The following CALN1 variants were observed in gnomAD, a reference collection of about 807,000 sequenced individuals.
CALN1 encodes calcium-binding protein 8.
A neutral mutation model predicts 30.6 loss-of-function variants in CALN1; 17 were observed. That is an observed-to-expected ratio of 0.56 (90% confidence interval 0.38 to 0.83). The LOEUF (loss-of-function observed/expected upper bound fraction) is 0.83. Ranked by LOEUF, CALN1 falls within the 40% of genes least tolerant of loss-of-function variation. CALN1 has a pLI of 0.00. For synonymous variants in CALN1, 156 were observed against 131.4 expected (o/e 1.19, Z -1.28); for missense variants, 291 against 354.9 (o/e 0.82, Z 1.45).
At chr7:71,910,779 T>C (rs1275391747) in intron 5 of CALN1, among the ~76,000 whole-genome samples, 2 of 152,206 alleles carry the variant, frequency 1.3e-5, no homozygotes, top group African/African-American at 4.8e-5. Flanking sequence ...TGCACCGTTT[T>C]TTTCTCAGCT....
intron 2 of CALN1, among the ~76,000 whole-genome samples, chr7:72,370,156 T>A (rs1804139769): frequency 1.3e-5 from 2 of 152,192 alleles, no homozygotes; most frequent in Admixed American, 1.3e-4. Flanking sequence ...ACTTCAGACA[T>A]TTTAAAAAGT....
chr7:72,057,383 C>CTTTTT (rs60838093), intron 4 of CALN1, among the ~76,000 whole-genome samples: 35 of 101,836 alleles, frequency 3.4e-4, no homozygotes, highest in Admixed American at 4.5e-4. Flanking sequence ...TTTAAATGTT[C>CTTTTT]TTTTTTTTTT....
intron 3 of CALN1, among the ~76,000 whole-genome samples, chr7:72,256,420 A>G (rs1407567207): frequency 6.6e-6 from 1 of 152,112 alleles, no homozygotes; most frequent in African/African-American, 2.4e-5. Flanking sequence ...TGATCATGCC[A>G]CTGCACTCCA....
At chr7:72,358,243 C>T (rs998707819) in intron 2 of CALN1, among the ~76,000 whole-genome samples, 1 of 151,916 alleles carries the variant, frequency 6.6e-6, no homozygotes, top group Non-Finnish European at 1.5e-5. Context: ...GACCCTTGAG[C>T]CTTGGCCTCC....
chr7:71,906,548 T>C (rs1337088871), intron 5 of CALN1, among the ~76,000 whole-genome samples: 1 of 152,014 alleles, frequency 6.6e-6, no homozygotes, highest in Non-Finnish European at 1.5e-5. Context: ...TTGACAAAAA[T>C]GGAGCAGGCA....
intron 5 of CALN1, among the ~76,000 whole-genome samples, chr7:71,900,593 G>A (rs1793794356): frequency 6.6e-6 from 1 of 152,190 alleles, no homozygotes; most frequent in African/African-American, 2.4e-5. Flanking sequence ...ACAATTACTT[G>A]CAGGTGGCTA....
At position 72,254,273 on chromosome 7, in the gene CALN1, C is replaced by T. The variant is rs565258171; in HGVS notation, c.244+24413G>A. On this transcript the variant is annotated intron_variant, in intron 3 of 6. Transcript: ENST00000395275. ...CTGGCAATGAACAATTTTATAGCTG[C>T]CTTCTCTACAGATGCCCTGGTTTTG... Among the ~76,000 whole-genome samples, 68 of 152,298 alleles carry T rather than the reference C, an allele frequency of 4.5e-4. 1 individual carries two copies. The South Asian group carries it at 0.014, about 31-fold the overall frequency.
intron 4 of CALN1, among the ~76,000 whole-genome samples, chr7:72,070,150 G>C (rs543218554): frequency 1.4e-4 from 22 of 152,270 alleles, no homozygotes; most frequent in Admixed American, 1.2e-3. Context: ...CAGCCTCTCT[G>C]TCAAAACTAG....
At chr7:72,423,085 G>A (rs1237949609) in intron 1 of CALN1, among the ~76,000 whole-genome samples, 1 of 150,752 alleles carries the variant, frequency 6.6e-6, no homozygotes, top group Non-Finnish European at 1.5e-5. Context: ...CTCTAGCCTG[G>A]GCAACAGAAT....
chr7:72,201,364 G>A (rs955221239), intron 3 of CALN1, among the ~76,000 whole-genome samples: 1 of 152,076 alleles, frequency 6.6e-6, no homozygotes, highest in African/African-American at 2.4e-5. Flanking sequence ...CGAGGTGGGT[G>A]GATCACTTGA....
At chr7:72,212,015 T>C (rs1034030606) in intron 3 of CALN1, among the ~76,000 whole-genome samples, 1 of 152,212 alleles carries the variant, frequency 6.6e-6, no homozygotes, top group Admixed American at 6.5e-5. Context: ...CTCCTAGATA[T>C]CTGATTATTT....
At chr7:71,991,025 G>A (rs1022153773) in intron 5 of CALN1, among the ~76,000 whole-genome samples, 1 of 147,634 alleles carries the variant, frequency 6.8e-6, no homozygotes, top group African/African-American at 2.6e-5. Flanking sequence ...TCTGAATTCA[G>A]ATGGAAAAGG....
chr7:72,313,040 G>A (rs1375468937), intron 2 of CALN1, among the ~76,000 whole-genome samples: 2 of 152,016 alleles, frequency 1.3e-5, no homozygotes, highest in Non-Finnish European at 2.9e-5. Flanking sequence ...TCACCATGTT[G>A]GCCAGGCTGG....
chr7:72,391,168 G>A (rs1239191998), intron 2 of CALN1, among the ~76,000 whole-genome samples: 4 of 152,158 alleles, frequency 2.6e-5, no homozygotes, highest in African/African-American at 9.7e-5. Context: ...CAACCGCAGA[G>A]GCTGGTGACT....
At chr7:72,121,754 G>C (rs1229574352) in intron 3 of CALN1, among the ~76,000 whole-genome samples, 1 of 148,110 alleles carries the variant, frequency 6.8e-6, no homozygotes, top group African/African-American at 2.5e-5. Context: ...TACTATAAAG[G>C]TTTTATCATA....
chr7:71,843,436 T>C (rs1045903825), intron 5 of CALN1, among the ~76,000 whole-genome samples: 3 of 151,964 alleles, frequency 2.0e-5, no homozygotes, highest in Non-Finnish European at 4.4e-5. Flanking sequence ...CTAGGCAACA[T>C]AGTGAGACCC....
chr7:72,365,103 G>A (rs1400164128), intron 2 of CALN1, among the ~76,000 whole-genome samples: 1 of 152,110 alleles, frequency 6.6e-6, no homozygotes, highest in East Asian at 1.9e-4. Flanking sequence ...TCAGGAGTTC[G>A]AGATCAGCCT....
chr7:72,450,673 A>G (rs1194013570), upstream of CALN1, among the ~76,000 whole-genome samples: 1 of 152,074 alleles, frequency 6.6e-6, no homozygotes, highest in African/African-American at 2.4e-5. Flanking sequence ...TGAGTCCAAG[A>G]GTTTGAGACC....
At chr7:72,182,724 A>G (rs1789903234) in intron 3 of CALN1, among the ~76,000 whole-genome samples, 1 of 107,086 alleles carries the variant, frequency 9.3e-6, no homozygotes, top group African/African-American at 2.8e-5. Context: ...TGTCTCCAAC[A>G]AAACAAAAAA....
Sources: gnomAD v4.1 joint callset for allele counts (sites outside exome capture counted in the v4.1 genomes callset) on GRCh38, gnomAD v4.1.1 for gene constraint, MANE v1.5 for transcripts, NCBI Gene and HGNC (gene_info 2026-07-23, HGNC 2026-07-21) for gene names.